KIF20B: variants seen among roughly 807,000 people sequenced by gnomAD.
KIF20B encodes the protein kinesin family member 20B.
A neutral mutation model predicts 232.5 loss-of-function variants in KIF20B; 188 were observed. The ratio of observed to expected loss-of-function variants is 0.81; its 90% CI spans 0.72 to 0.91. The LOEUF (loss-of-function observed/expected upper bound fraction) is 0.91. Among genes scored for constraint, KIF20B ranks in the 40% least tolerant of loss-of-function variants. The probability of loss-of-function intolerance (pLI) is 0.00; values close to 1 mark genes in which losing one functional copy is unlikely to be tolerated. For synonymous variants in KIF20B, 712 were observed against 683.0 expected (o/e 1.04, Z -0.66); for missense variants, 2,154 against 2,055.9 (o/e 1.05, Z -0.92).
At chr10:89,734,729 G>A (rs996963041) in intron 19 of KIF20B, among the ~76,000 whole-genome samples, 5 of 152,152 alleles carry the variant, frequency 3.3e-5, no homozygotes, top group Non-Finnish European at 5.9e-5. Flanking sequence ...GGATGCACAA[G>A]AGCCTGTGAG....
At chr10:89,761,836 A>ATGT (rs1474082448) in intron 28 of KIF20B, among the ~76,000 whole-genome samples, 64 of 152,206 alleles carry the variant, frequency 4.2e-4, no homozygotes, top group Non-Finnish European at 8.8e-5. Flanking sequence ...AAATTTATGT[A>ATGT]TGTTGTCCTA....
At chr10:89,753,458 AAATATTATGAAAAAAGTGTATC>A (rs1842061147) in intron 25 of KIF20B, among the ~76,000 whole-genome samples, 1 of 152,220 alleles carries the variant, frequency 6.6e-6, no homozygotes, top group African/African-American at 2.4e-5. Flanking sequence ...AGAACAAAAT[AAATATTATGAAAAAAGTGTATC>A]AACCGTATTG....
Position 89,718,888 on chromosome 10 carries a change from A to G in KIF20B, c.1434+16A>G, listed in dbSNP as rs1291445719. 2.1e-6 allele frequency: 3 copies of G among 1,448,188 alleles called. No homozygotes were observed. Among genetic ancestry groups the G allele is most frequent in the East Asian group, 4.7e-5 (2 of 42,114 alleles). The allele number at this position is 1,448,188 out of a possible 1,614,324, so 89.7% of individuals were successfully genotyped here. A position where few individuals can be genotyped will look rare whatever the true frequency, so the allele number is the denominator to read the frequency against. On this transcript the variant is annotated intron_variant, in intron 12 of 32. Transcript: ENST00000371728. ...TGCACAAAAAGTAAATATTTATTTT[A>G]TTAAGCCTCTTATTATTAGAATATT...
intron 19 of KIF20B, among the ~76,000 whole-genome samples, chr10:89,735,784 C>T (rs1212731158): frequency 5.9e-5 from 9 of 151,964 alleles, no homozygotes; most frequent in Admixed American, 6.6e-5. Flanking sequence ...GTGATCCACC[C>T]GCCTCTGCCT....
intron 27 of KIF20B, among the ~76,000 whole-genome samples, chr10:89,759,284 A>G (rs906721161): frequency 9.9e-5 from 15 of 152,102 alleles, no homozygotes; most frequent in African/African-American, 3.6e-4. Context: ...AAAGATACAA[A>G]TTATTTTGAA....
At chr10:89,736,367 A>G (rs1841652152) in intron 19 of KIF20B, among the ~76,000 whole-genome samples, 1 of 152,156 alleles carries the variant, frequency 6.6e-6, no homozygotes, top group Admixed American at 6.5e-5. Flanking sequence ...TCTATGAGGA[A>G]AGTTTAAAAG....
chr10:89,755,805 G>C (rs181563684), intron 26 of KIF20B, among the ~76,000 whole-genome samples: 47 of 152,174 alleles, frequency 3.1e-4, no homozygotes, highest in African/African-American at 9.2e-4. Context: ...TGTTGCCCAG[G>C]CTGGTCTCAA....
intron 21 of KIF20B, among the ~76,000 whole-genome samples, chr10:89,740,871 T>C (rs1228728370): frequency 1.3e-5 from 2 of 152,202 alleles, no homozygotes; most frequent in Admixed American, 6.5e-5. Context: ...TTGCTACTTA[T>C]AGAGGTATCT....
At position 89,757,040 on chromosome 10, in the gene KIF20B, G is replaced by GTATATATATATATATATATATA. The variant is rs34325599; in HGVS notation, c.4504-1657_4504-1636dup. Among the ~76,000 whole-genome samples, 137 of 110,676 alleles carry GTATATATATATATATATATATA rather than the reference G, an allele frequency of 1.2e-3. 3 individuals are homozygous for GTATATATATATATATATATATA. Among genetic ancestry groups the GTATATATATATATATATATATA allele is most frequent in the Non-Finnish European group, 2.1e-3 (114 of 54,014 alleles). The allele number at this position is 110,676 out of a possible 152,430, so 72.6% of individuals were successfully genotyped here. ...ATCTCTGTTGTGTGTGTGTGTGTGTGTATATATATATATATATATATATAT... is the reference window on the plus strand; with the variant it reads ...ATCTCTGTTGTGTGTGTGTGTGTGTGTATATATATATATATATATATATATATATATATATATATATATATAT... On this transcript the variant is annotated intron_variant, in intron 26 of 32. Coordinates refer to ENST00000371728, the MANE Select transcript of KIF20B (RefSeq NM_001284259.2).
rs1434847647 is a variant in KIF20B at position 89,725,137 on chromosome 10, T to C, written c.1980T>C (p.Cys660=). 2 of 1,614,008 alleles carry C rather than the reference T, an allele frequency of 1.2e-6. No homozygotes were observed. The highest frequency in any genetic ancestry group is 1.7e-6 in the Non-Finnish European group (2 of 1,179,946). The change falls in exon 15 of 33, where the codon TGT becomes TGC. Residue 660 remains cysteine (C), a synonymous_variant. Coordinates refer to ENST00000371728, the MANE Select transcript of KIF20B (RefSeq NM_001284259.2). ...GAGAAGAAGCAGCGAAAGACATTTG[T>C]GCCACAAAAGTTGAAACTGAAGTAT... The part of the protein sequence containing the change: ...DTREEAAKDI[C]ATKVETEETH...
Position 89,715,028 on chromosome 10 carries a change from T to C in KIF20B, c.786T>C (p.Asn262=), listed in dbSNP as rs1842909596. Reference sequence around the variant, plus strand: ...AAGATTATGAACAAGCCAACTTGAATATGGCTAATAGTATAAAATTTTCTG... The same window carrying C: ...AAGATTATGAACAAGCCAACTTGAACATGGCTAATAGTATAAAATTTTCTG... The part of the protein sequence containing the change: ...SIKDYEQANL[N]MANSIKFSVW... Residue 262 remains asparagine, a synonymous_variant, in exon 8 of 33, where the codon AAT becomes AAC. Transcript: ENST00000371728. The C allele has an allele frequency of 6.2e-7, 1 of 1,604,622 alleles. No individual in the cohort carries two copies. Among genetic ancestry groups the C allele is most frequent in the Non-Finnish European group, 8.5e-7 (1 of 1,174,834 alleles).
chr10:89,773,287 A>G (rs981403228), intron 32 of KIF20B, among the ~76,000 whole-genome samples: 32 of 152,148 alleles, frequency 2.1e-4, no homozygotes, highest in African/African-American at 7.7e-4. Context: ...CATTCTCCTG[A>G]TTCAGAACAG....
At chr10:89,772,613 T>C (rs949424239) in intron 31 of KIF20B, 76 bp from the exon 32 acceptor site, 1 of 899,908 alleles carries the variant, frequency 1.1e-6, no homozygotes. Context: ...TTTCAAACCA[T>C]CTTTATTAAG....
At chr10:89,759,051 T>G (rs1268579584) in intron 27 of KIF20B, among the ~76,000 whole-genome samples, 169 bp downstream of exon 27, 3 of 152,092 alleles carry the variant, frequency 2.0e-5, no homozygotes, top group Non-Finnish European at 4.4e-5. Context: ...TCATTAAGAT[T>G]GATTTGTCAA....
At position 89,705,435 on chromosome 10, in the gene KIF20B, TACTG is replaced by T; in HGVS notation, c.143_146del (p.Thr48ArgfsTer17). ...ATGAATTTTCCTTAGTTGCTCCAAA[TACTG>T]AGGTAAGTACAAGAAAAGTATTGTG... is the stretch of plus-strand genomic sequence containing the variant. On this transcript the variant is annotated frameshift_variant and splice_region_variant, in exon 2 of 33. Transcript: ENST00000371728. LOFTEE classifies it high-confidence loss of function. The T allele has an allele frequency of 6.2e-7, 1 of 1,613,868 alleles. No homozygotes were observed. Among genetic ancestry groups the T allele is most frequent in the Non-Finnish European group, 8.5e-7 (1 of 1,179,872 alleles).
chr10:89,737,943 G>T lies in KIF20B; in HGVS notation c.3102G>T (p.Leu1034Phe). 6.2e-7 allele frequency: 1 copy of T among 1,613,188 alleles called. No individual in the cohort carries two copies. The highest frequency in any genetic ancestry group is 1.1e-5 in the South Asian group (1 of 90,906). ...TQLDLLGNDYLVSKQVKEYRI... is the reference protein window; with the variant it reads ...TQLDLLGNDYFVSKQVKEYRI... ...TAGACCTTTTAGGTAATGATTATTT[G>T]GTAAGTAAGCAAGTTAAAGAATATC... Residue 1034 changes from leucine (L) to phenylalanine (F), a missense_variant, in exon 20 of 33, where the codon TTG becomes TTT. Transcript: ENST00000371728.
Position 89,768,780 on chromosome 10 carries a change from A to G in KIF20B, c.5134A>G (p.Ser1712Gly). The change falls in exon 31 of 33, where the codon AGT becomes GGT. Residue 1712 changes from serine (S) to glycine (G), a missense_variant. Transcript: ENST00000371728. ...ATCTAAGAAAACATATTCTTTACGGAGTCAGGCATCCATAATTGGTGTAAA... is the reference window on the plus strand; with the variant it reads ...ATCTAAGAAAACATATTCTTTACGGGGTCAGGCATCCATAATTGGTGTAAA... Reference protein sequence around the residue: ...PSSKKTYSLRSQASIIGVNLA... With the variant: ...PSSKKTYSLRGQASIIGVNLA... 1.2e-6 allele frequency: 2 copies of G among 1,602,972 alleles called. No homozygotes were observed. Among genetic ancestry groups the G allele is most frequent in the South Asian group, 2.3e-5 (2 of 88,216 alleles).
Position 89,764,658 on chromosome 10 carries a change from A to C in KIF20B, c.4989+1823A>C, listed in dbSNP as rs1398051593. Reference sequence around the variant, plus strand: ...TCTCTGATGGCCAGTGATGATGAGCATTTTTTCATGTGTTTTTTGGCTGCA... The same window carrying C: ...TCTCTGATGGCCAGTGATGATGAGCCTTTTTTCATGTGTTTTTTGGCTGCA... On this transcript the variant is annotated intron_variant, in intron 29 of 32. Transcript: ENST00000371728. Among the ~76,000 whole-genome samples the C allele has an allele frequency of 2.6e-5, 4 of 151,566 alleles. No homozygotes were observed. The East Asian group carries it at 7.8e-4, about 29-fold the overall frequency.
At chr10:89,719,925 A>G (rs1843015403) in intron 13 of KIF20B, among the ~76,000 whole-genome samples, 1 of 152,204 alleles carries the variant, frequency 6.6e-6, no homozygotes, top group African/African-American at 2.4e-5. Flanking sequence ...TGAGTATGTG[A>G]ATACACATCT....
Sources: gnomAD v4.1 joint callset for allele counts (sites outside exome capture counted in the v4.1 genomes callset) on GRCh38, gnomAD v4.1.1 for gene constraint, MANE v1.5 for transcripts, NCBI Gene and HGNC (gene_info 2026-07-23, HGNC 2026-07-21) for gene names.